VPS13B: variants seen among roughly 807,000 people sequenced by gnomAD.
VPS13B encodes intermembrane lipid transfer protein VPS13B.
A neutral mutation model predicts 426.4 loss-of-function variants in VPS13B; 285 were observed. The ratio of observed to expected loss-of-function variants is 0.67; its 90% CI spans 0.61 to 0.74. The LOEUF (loss-of-function observed/expected upper bound fraction) is 0.74. VPS13B is among the 30% of genes least tolerant of loss of function. VPS13B has a pLI of 0.00. For synonymous variants in VPS13B, 1,676 were observed against 1,676.4 expected, an observed-to-expected ratio of 1.00 and a Z score of 0.01; for missense variants, 4,537 against 4,782.6, an observed-to-expected ratio of 0.95 and a Z score of 1.51.
intron 33 of VPS13B, among the ~76,000 whole-genome samples, chr8:99,616,776 G>A (rs540851034): frequency 6.6e-6 from 1 of 152,230 alleles, no homozygotes; most frequent in Non-Finnish European, 1.5e-5. Flanking sequence ...GGTGAGCCGA[G>A]ATTGCACCAG....
At chr8:99,684,665 T>A (rs1831306293) in intron 35 of VPS13B, among the ~76,000 whole-genome samples, 1 of 152,256 alleles carries the variant, frequency 6.6e-6, no homozygotes, top group Non-Finnish European at 1.5e-5. Context: ...GTTTTATAGC[T>A]GGTTTATTGC....
chr8:99,607,462 G>T (rs555665584), intron 33 of VPS13B, among the ~76,000 whole-genome samples: 1 of 152,286 alleles, frequency 6.6e-6, no homozygotes, highest in East Asian at 1.9e-4. Flanking sequence ...ACCTGTTTCA[G>T]ATTGTCCCAG....
chr8:99,663,804 C>T (rs1830338394), intron 35 of VPS13B, among the ~76,000 whole-genome samples: 1 of 152,134 alleles, frequency 6.6e-6, no homozygotes. Flanking sequence ...ACACTTTGCT[C>T]ATTTTGGCTA....
In VPS13B at chr8:99,384,208, G is replaced by A. The variant is rs765354194; in HGVS notation, c.2825G>A (p.Gly942Asp). 8.1e-6 allele frequency: 13 copies of A among 1,612,802 alleles called. No homozygotes were observed. The highest frequency in any genetic ancestry group is 4.5e-5 in the East Asian group (2 of 44,844). Residue 942 changes from glycine (G) to aspartate (D), a missense_variant and splice_region_variant, in exon 20 of 62, where the codon GGT becomes GAT. Physicochemically the swap from Gly to Asp is moderately conservative, Grantham distance 94. Around this residue, in one of 2 missense-constraint regions of VPS13B, gnomAD observed 4,311 missense variants for 4,474.3 expected, o/e 0.96. Transcript: ENST00000357162. ...ACAGTTTAAAAATCTTGTCTTTTAG[G>A]TGCTGTACTTCTTTGCAGTATACAA... ...PQYIDYCHNS[G>D]AVLLCSIQGL...
At chr8:99,587,790 T>C (rs902011946) in intron 33 of VPS13B, among the ~76,000 whole-genome samples, 2 of 151,790 alleles carry the variant, frequency 1.3e-5, no homozygotes, top group Admixed American at 1.3e-4. Flanking sequence ...ACTCTGATGG[T>C]AGTTTCTTTT....
chr8:99,807,166 A>G (rs1334249631), intron 43 of VPS13B, among the ~76,000 whole-genome samples: 2 of 152,218 alleles, frequency 1.3e-5, no homozygotes, highest in Non-Finnish European at 2.9e-5. Context: ...AATTTTCATA[A>G]TTCAAAGAAA....
intron 35 of VPS13B, 113 bp downstream of exon 35, chr8:99,661,604 T>G (rs896460938): frequency 6.0e-6 from 8 of 1,342,640 alleles, no homozygotes; most frequent in Non-Finnish European, 8.2e-6. Flanking sequence ...AATAGTTCAT[T>G]TTTTCCCAGA....
At chr8:99,126,760 A>G (rs1848198896) in intron 8 of VPS13B, among the ~76,000 whole-genome samples, 1 of 152,228 alleles carries the variant, frequency 6.6e-6, no homozygotes, top group Non-Finnish European at 1.5e-5. Context: ...TCTGACATAT[A>G]TATGTGGAAG....
chr8:99,248,405 G>T (rs1416720338), intron 17 of VPS13B, among the ~76,000 whole-genome samples: 1 of 151,812 alleles, frequency 6.6e-6, no homozygotes, highest in Non-Finnish European at 1.5e-5. Flanking sequence ...ACATTTCTTG[G>T]TAGTTTTTTT....
chr8:99,576,248 G>A (rs983986688), intron 32 of VPS13B, among the ~76,000 whole-genome samples: 3 of 152,032 alleles, frequency 2.0e-5, no homozygotes, highest in African/African-American at 4.8e-5. Context: ...CCTACCAATT[G>A]CATTCATACT....
At chr8:99,742,616 G>T (rs1257690658) in intron 39 of VPS13B, among the ~76,000 whole-genome samples, 1 of 152,114 alleles carries the variant, frequency 6.6e-6, no homozygotes, top group East Asian at 1.9e-4. Flanking sequence ...ACATCAAAAA[G>T]CTTATCCACC....
intron 35 of VPS13B, among the ~76,000 whole-genome samples, chr8:99,675,018 T>C (rs1021963630): frequency 2.6e-5 from 4 of 152,140 alleles, no homozygotes; most frequent in African/African-American, 9.6e-5. Context: ...TTTGATGGTA[T>C]ATTTTTACCA....
intron 3 of VPS13B, among the ~76,000 whole-genome samples, chr8:99,065,164 G>T (rs1450723994): frequency 6.6e-6 from 1 of 152,158 alleles, no homozygotes; most frequent in Non-Finnish European, 1.5e-5. Context: ...ATGCCAAATT[G>T]TAAAGACCAT....
chr8:99,564,206 A>G lies in VPS13B; in HGVS notation c.4949+7553A>G, dbSNP rs147564354. On this transcript the variant is annotated intron_variant, in intron 31 of 61. Transcript: ENST00000357162. ...ATTTTTTTTTATTCCAAAGGAATATATCATGGTTTAATTAAGGCAGCAGAA... is the reference window on the plus strand; with the variant it reads ...ATTTTTTTTTATTCCAAAGGAATATGTCATGGTTTAATTAAGGCAGCAGAA... 6.5e-3 allele frequency among the ~76,000 whole-genome samples: 991 copies of G among 152,304 alleles called. 9 individuals carry two copies. Among genetic ancestry groups the G allele is most frequent in the African/African-American group, 0.022 (899 of 41,564 alleles).
At chr8:99,422,323 T>C (rs1321055637) in intron 21 of VPS13B, among the ~76,000 whole-genome samples, 3 of 152,174 alleles carry the variant, frequency 2.0e-5, no homozygotes, top group African/African-American at 4.8e-5. Flanking sequence ...GAGAACATAG[T>C]ATTTACAAAA....
intron 19 of VPS13B, among the ~76,000 whole-genome samples, chr8:99,351,796 T>C (rs1346803262): frequency 6.6e-6 from 1 of 152,178 alleles, no homozygotes; most frequent in African/African-American, 2.4e-5. Flanking sequence ...AGCTGACATA[T>C]GATAGTTGTT....
chr8:99,352,034 G>A (rs1449330497), intron 19 of VPS13B, among the ~76,000 whole-genome samples: 3 of 152,160 alleles, frequency 2.0e-5, no homozygotes, highest in Admixed American at 1.3e-4. Flanking sequence ...CTTGGCTGAT[G>A]TTAACCTCCT....
chr8:99,861,889 G>A lies in VPS13B; in HGVS notation c.11158G>A (p.Glu3720Lys), dbSNP rs150393340. 2.2e-4 allele frequency: 352 copies of A among 1,595,842 alleles called. No individual in the cohort carries two copies. The African/African-American group carries it at 3.9e-3, about 18-fold the overall frequency. The change falls in exon 58 of 62, where the codon GAG becomes AAG. Residue 3720 changes from glutamate (E) to lysine (K), a missense_variant. By Grantham distance (56) the Glu-to-Lys change is moderately conservative (BLOSUM62 1). Transcript: ENST00000357162. ...RQEEWRRQLP[E>K]SLGEGLRQGL... ...GGAGGAGTGGCGGCGGCAGCTCCCC[G>A]AGAGCCTGGGCGAGGGGCTTCGACA...
intron 5 of VPS13B, among the ~76,000 whole-genome samples, chr8:99,110,518 A>G (rs930092420): frequency 2.0e-5 from 3 of 151,970 alleles, no homozygotes; most frequent in Non-Finnish European, 4.4e-5. Context: ...TCTCTCTCCA[A>G]TATGGTAGCC....
Sources: gnomAD v4.1 joint callset for allele counts (sites outside exome capture counted in the v4.1 genomes callset) on GRCh38, gnomAD v4.1.1 for gene constraint, gnomAD v4.1.1 regional missense constraint, MANE v1.5 for transcripts, NCBI Gene and HGNC (gene_info 2026-07-23, HGNC 2026-07-21) for gene names.